MEIS1: variants seen among roughly 807,000 people sequenced by gnomAD.
MEIS1 encodes homeobox protein Meis1.
Under a neutral mutation model 50.8 loss-of-function variants are expected in MEIS1, and 5 were observed. That is an observed-to-expected ratio of 0.10 (90% CI 0.05 to 0.21). The LOEUF is 0.21. Among genes scored for constraint, MEIS1 ranks in the 10% least tolerant of loss-of-function variants. The pLI, the probability that MEIS1 is intolerant of heterozygous loss-of-function variation, is 1.00. For missense variants in MEIS1, 318 were observed against 517.3 expected (o/e 0.61, Z 3.74); for synonymous variants, 176 against 179.3 (o/e 0.98, Z 0.15).
intron 7 of MEIS1, among the ~76,000 whole-genome samples, chr2:66,477,749 T>C (rs1672928227): frequency 6.6e-6 from 1 of 152,168 alleles, no homozygotes; most frequent in African/African-American, 2.4e-5. Flanking sequence ...AGAATAGATG[T>C]TTTGCCTCAT....
At position 66,435,709 on chromosome 2, in the gene MEIS1, C is replaced by T; in HGVS notation, c.-148C>T. 2 of 668,672 alleles carry T rather than the reference C, an allele frequency of 3.0e-6. No homozygotes were observed. Among genetic ancestry groups the T allele is most frequent in the Non-Finnish European group, 4.8e-6 (2 of 418,046 alleles). 41.4% of individuals were successfully genotyped at this position (668,672 alleles called of 1,614,324 possible). On this transcript the variant is annotated 5_prime_UTR_variant, in exon 1 of 13. In the 5' UTR this introduces an upstream ATG that the reference lacks. Transcript: ENST00000272369. ...CCGAAGATCTGGGACCAGTAGCTCACGTTGCTGGAGACGTTAAGGGATTTT... is the reference window on the plus strand; with the variant it reads ...CCGAAGATCTGGGACCAGTAGCTCATGTTGCTGGAGACGTTAAGGGATTTT...
In MEIS1 at chr2:66,510,690, GA is replaced by G. The variant is rs879823455; in HGVS notation, c.743-1448del. ...CATCTCAGTACAAGTTAAGGCAATT[GA>G]AAAAAAAAAATTGAGGAATGCTTTT... On this transcript the variant is annotated intron_variant, in intron 7 of 12. Transcript: ENST00000272369. Among the ~76,000 whole-genome samples, 1,224 of 145,554 alleles carry G rather than the reference GA, an allele frequency of 8.4e-3. 16 individuals carry two copies. Among genetic ancestry groups the G allele is most frequent in the African/African-American group, 0.029 (1,149 of 39,908 alleles).
chr2:66,440,739 C>T, intron 4 of MEIS1, 127 bp downstream of exon 4: 1 of 645,658 alleles, frequency 1.5e-6, no homozygotes, highest in Admixed American at 2.8e-5. Flanking sequence ...AGGTTGGCTG[C>T]AAATGTTTCT....
chr2:66,535,703 C>T (rs543678482), intron 8 of MEIS1, among the ~76,000 whole-genome samples: 12 of 152,146 alleles, frequency 7.9e-5, no homozygotes, highest in South Asian at 2.1e-4. Context: ...TAAATGCTTT[C>T]GGGAGTTGGA....
At chr2:66,524,389 C>T (rs531447836) in intron 8 of MEIS1, among the ~76,000 whole-genome samples, 4 of 151,900 alleles carry the variant, frequency 2.6e-5, no homozygotes, top group African/African-American at 9.7e-5. Context: ...TGATGAAACC[C>T]CATCTCTACA....
chr2:66,549,696 G>A (rs540432195), intron 9 of MEIS1, among the ~76,000 whole-genome samples: 1 of 152,046 alleles, frequency 6.6e-6, no homozygotes, highest in Non-Finnish European at 1.5e-5. Flanking sequence ...TCCTGTTTGC[G>A]GGCAAAGGAG....
intron 7 of MEIS1, among the ~76,000 whole-genome samples, chr2:66,484,016 T>A (rs776415320): frequency 6.6e-6 from 1 of 152,198 alleles, no homozygotes; most frequent in Non-Finnish European, 1.5e-5. Context: ...AATCTTAAGA[T>A]ATGGAAAGAT....
chr2:66,530,855 A>G (rs1046640080), intron 8 of MEIS1, among the ~76,000 whole-genome samples: 1 of 152,248 alleles, frequency 6.6e-6, no homozygotes, highest in East Asian at 1.9e-4. Context: ...GTTAACATGC[A>G]GTTATTGTAC....
intron 9 of MEIS1, among the ~76,000 whole-genome samples, chr2:66,554,429 G>A (rs1675001643): frequency 6.6e-6 from 1 of 152,214 alleles, no homozygotes; most frequent in Admixed American, 6.5e-5. Flanking sequence ...AGGGATGAGG[G>A]GCTGAGAGGT....
At position 66,464,115 on chromosome 2, in the gene MEIS1, T is replaced by G. The variant is rs1487044408; in HGVS notation, c.637T>G (p.Trp213Gly). Reference protein sequence around the residue: ...RSANLTDQPSWNRDHDDTAST... With the variant: ...RSANLTDQPSGNRDHDDTAST... ...CTGATTTGTGCCCCCACAGCCCTCT[T>G]GGAACAGAGATCATGATGACACGGC... The change falls in exon 7 of 13, where the codon TGG becomes GGG. Residue 213 changes from tryptophan (W) to glycine (G), a missense_variant. This residue lies in a region of MEIS1 where 48 missense variants were observed against 50.9 expected (regional missense o/e 0.94). Transcript: ENST00000272369. The G allele has an allele frequency of 1.3e-5, 21 of 1,596,234 alleles. No individual in the cohort carries two copies.
chr2:66,569,772 A>T (rs1158864483), intron 12 of MEIS1: 1 of 152,714 alleles, frequency 6.5e-6, no homozygotes, highest in Admixed American at 6.5e-5. Context: ...GGCTTAGCCC[A>T]GGCTAATTGA....
At position 66,508,527 on chromosome 2, in the gene MEIS1, C is replaced by T. The variant is rs543419587; in HGVS notation, c.743-3622C>T. Among the ~76,000 whole-genome samples the T allele has an allele frequency of 2.6e-4, 40 of 152,320 alleles. 1 individual carries two copies. In the South Asian group the frequency reaches 7.9e-3, roughly 30 times the overall value. Reference sequence around the variant, plus strand: ...GGAAGTTGCAGGGAGAGGATTTCTGCATTAGAATGTTGCATATGTGCGGCC... The same window carrying T: ...GGAAGTTGCAGGGAGAGGATTTCTGTATTAGAATGTTGCATATGTGCGGCC... On this transcript the variant is annotated intron_variant, in intron 7 of 12. Coordinates refer to ENST00000272369, the MANE Select transcript of MEIS1 (RefSeq NM_002398.3).
At position 66,437,961 on chromosome 2, in the gene MEIS1, T is replaced by C. The variant is rs1480689578; in HGVS notation, c.237T>C (p.Tyr79=). 2.6e-6 allele frequency: 4 copies of C among 1,566,172 alleles called. No homozygotes were observed. Among genetic ancestry groups the C allele is most frequent in the South Asian group, 2.3e-5 (2 of 85,232 alleles). Residue 79 remains tyrosine, a splice_region_variant and synonymous_variant, in exon 2 of 13, where the codon TAT becomes TAC. Coordinates refer to ENST00000272369, the MANE Select transcript of MEIS1 (RefSeq NM_002398.3). ...DALKRDKDAI[Y]GHPLFPLLAL... is the part of the protein sequence containing the mutation. ...TAAAGAGAGATAAAGATGCCATTTA[T>C]GGGTAGGTACAATGGGCAGCAGGTT...
chr2:66,450,226 T>G (rs1054267338), intron 6 of MEIS1, among the ~76,000 whole-genome samples: 2 of 152,324 alleles, frequency 1.3e-5, no homozygotes, highest in Admixed American at 6.5e-5. Context: ...CTACAGTGGA[T>G]TCTTCCCTTG....
chr2:66,531,863 C>G (rs558392389), intron 8 of MEIS1, among the ~76,000 whole-genome samples: 159 of 151,968 alleles, frequency 1.0e-3, no homozygotes, highest in Non-Finnish European at 1.8e-3. Flanking sequence ...TAAAATCACT[C>G]GACATCCTGT....
chr2:66,485,735 A>G (rs138890914), intron 7 of MEIS1, among the ~76,000 whole-genome samples: 2,118 of 152,232 alleles, frequency 0.014, 29 homozygotes, highest in Middle Eastern at 0.054. Flanking sequence ...AATCATTCCT[A>G]TTTCTCTACA....
At chr2:66,476,332 C>T (rs1172694381) in intron 7 of MEIS1, among the ~76,000 whole-genome samples, 1 of 152,162 alleles carries the variant, frequency 6.6e-6, no homozygotes, top group African/African-American at 2.4e-5. Flanking sequence ...AAAAGGAATA[C>T]ATTTACTACA....
chr2:66,544,062 T>G (rs1420644736), intron 8 of MEIS1, among the ~76,000 whole-genome samples: 1 of 152,182 alleles, frequency 6.6e-6, no homozygotes, highest in Non-Finnish European at 1.5e-5. Flanking sequence ...AGGCCTTTAG[T>G]TGCAAAGGTT....
In MEIS1 at chr2:66,571,673, A is replaced by G; in HGVS notation, c.*465A>G. 1 of 916,332 alleles carries G rather than the reference A, an allele frequency of 1.1e-6. No individual in the cohort carries two copies. The highest frequency in any genetic ancestry group is 1.6e-6 in the Non-Finnish European group (1 of 612,968). The allele number at this position is 916,332 out of a possible 1,614,324, so 56.8% of individuals were successfully genotyped here. A position where few individuals can be genotyped will look rare whatever the true frequency, so the allele number is the denominator to read the frequency against. The stretch of plus-strand genomic sequence containing the variant: ...CATAGGGACCTTTAAAAAGCAGGAA[A>G]TACCAACTGAAGTCAATTTGGGGGA... On this transcript the variant is annotated 3_prime_UTR_variant, in exon 13 of 13. Coordinates refer to ENST00000272369, the MANE Select transcript of MEIS1 (RefSeq NM_002398.3).
Sources: gnomAD v4.1 joint callset for allele counts (sites outside exome capture counted in the v4.1 genomes callset) on GRCh38, gnomAD v4.1.1 for gene constraint, gnomAD v4.1.1 regional missense constraint, MANE v1.5 for transcripts, NCBI Gene and HGNC (gene_info 2026-07-23, HGNC 2026-07-21) for gene names.